The following WWOX variants were observed in gnomAD, a reference collection of about 807,000 sequenced individuals.
WWOX encodes the protein WW domain-containing oxidoreductase.
In WWOX, 69 loss-of-function variants were observed where a neutral mutation model predicts 46.2. The ratio of observed to expected loss-of-function variants is 1.49; its 90% CI spans 1.23 to 1.82. The LOEUF (loss-of-function observed/expected upper bound fraction) is 1.82. Ranked by LOEUF, WWOX falls within the 40% of genes most tolerant of loss-of-function variation. The pLI is 0.00. For synonymous variants in WWOX, 359 were observed against 202.6 expected, an observed-to-expected ratio of 1.77 and a Z score of -6.56; for missense variants, 919 against 542.6, an observed-to-expected ratio of 1.69 and a Z score of -6.89.
At chr16:78,868,899 C>T (rs1490526719) in intron 8 of WWOX, among the ~76,000 whole-genome samples, 3 of 152,248 alleles carry the variant, frequency 2.0e-5, no homozygotes, top group South Asian at 2.1e-4. Context: ...TAGAAATTTG[C>T]ACTTTTCCCC....
In WWOX at chr16:78,293,100, A is replaced by G. The variant is rs145840968; in HGVS notation, c.517-93760A>G. Among the ~76,000 whole-genome samples, 13 of 152,244 alleles carry G rather than the reference A, an allele frequency of 8.5e-5. No homozygotes were observed. In the East Asian group the frequency reaches 2.3e-3, roughly 27 times the overall value. The stretch of plus-strand genomic sequence containing the variant: ...TTTCTTTCGCCTCTCTACTTAGATC[A>G]TATTCTTCCTGGATTTTGGAATCAG... On this transcript the variant is annotated intron_variant, in intron 5 of 8. Coordinates refer to ENST00000566780, the MANE Select transcript of WWOX (RefSeq NM_016373.4).
intron 8 of WWOX, among the ~76,000 whole-genome samples, chr16:78,871,385 G>A (rs1309670727): frequency 6.6e-6 from 1 of 152,254 alleles, no homozygotes; most frequent in Non-Finnish European, 1.5e-5. Flanking sequence ...TTGTAATGAT[G>A]TTTGCAAAGC....
At chr16:78,291,638 C>T (rs2079859881) in intron 5 of WWOX, among the ~76,000 whole-genome samples, 1 of 152,108 alleles carries the variant, frequency 6.6e-6, no homozygotes, top group Non-Finnish European at 1.5e-5. Context: ...AGGTTTCAAT[C>T]TGTGGGCTAA....
chr16:78,498,140 G>A (rs1192452812), intron 8 of WWOX, among the ~76,000 whole-genome samples: 1 of 148,488 alleles, frequency 6.7e-6, no homozygotes, highest in Admixed American at 6.8e-5. Context: ...GGGAGGTGGA[G>A]CTTGCAGTGA....
intron 5 of WWOX, among the ~76,000 whole-genome samples, chr16:78,376,911 A>C (rs960732909): frequency 6.6e-6 from 1 of 152,192 alleles, no homozygotes; most frequent in Non-Finnish European, 1.5e-5. Context: ...TGGAATGTAA[A>C]ATCCTTTGAA....
intron 8 of WWOX, among the ~76,000 whole-genome samples, chr16:78,908,071 A>T (rs923083099): frequency 6.6e-6 from 1 of 152,166 alleles, no homozygotes; most frequent in African/African-American, 2.4e-5. Context: ...ATAGTTCCCA[A>T]ATTGCAGGAT....
At chr16:78,260,481 A>G (rs2038250602) in intron 5 of WWOX, among the ~76,000 whole-genome samples, 1 of 151,398 alleles carries the variant, frequency 6.6e-6, no homozygotes, top group African/African-American at 2.4e-5. Flanking sequence ...CCTGGCCAAC[A>G]TGGTAAAACC....
At chr16:78,524,629 C>T (rs2043419945) in intron 8 of WWOX, among the ~76,000 whole-genome samples, 1 of 151,804 alleles carries the variant, frequency 6.6e-6, no homozygotes, top group African/African-American at 2.4e-5. Context: ...CCATGTTGGC[C>T]AAACTGGTCT....
intron 8 of WWOX, chr16:79,089,969 A>G (rs977823846): frequency 1.3e-5 from 2 of 150,476 alleles, no homozygotes; most frequent in Admixed American, 1.3e-4. Flanking sequence ...TGGAAAAAAA[A>G]AAAAGGGGGG....
At chr16:78,902,448 C>T (rs140022868) in intron 8 of WWOX, among the ~76,000 whole-genome samples, 2 of 152,226 alleles carry the variant, frequency 1.3e-5, no homozygotes, top group Admixed American at 6.5e-5. Flanking sequence ...GCGGGAGAGG[C>T]AAGGCTAAGA....
At chr16:78,642,820 C>G (rs2046752449) in intron 8 of WWOX, among the ~76,000 whole-genome samples, 1 of 152,186 alleles carries the variant, frequency 6.6e-6, no homozygotes, top group Non-Finnish European at 1.5e-5. Context: ...TCTTTTCTAA[C>G]TGTCCAGCTC....
At position 78,408,662 on chromosome 16, in the gene WWOX, C is replaced by G. The variant is rs535573658; in HGVS notation, c.606-16208C>G. ...TGTGTCATTCCGTTGTGCCTGTCGT[C>G]TTGACCTTGTAAAAGGTCTTGGGTA... On this transcript the variant is annotated intron_variant, in intron 6 of 8. Coordinates refer to ENST00000566780, the MANE Select transcript of WWOX (RefSeq NM_016373.4). Among the ~76,000 whole-genome samples, 9 of 152,196 alleles carry G rather than the reference C, an allele frequency of 5.9e-5. No individual in the cohort carries two copies. The South Asian group carries it at 6.2e-4, about 10-fold the overall frequency.
intron 6 of WWOX, among the ~76,000 whole-genome samples, chr16:78,404,930 C>G (rs1326849565): frequency 6.6e-6 from 1 of 152,148 alleles, no homozygotes; most frequent in East Asian, 1.9e-4. Flanking sequence ...GATATCATGC[C>G]CATTGCACTA....
chr16:78,353,171 A>G (rs929408239), intron 5 of WWOX, among the ~76,000 whole-genome samples: 4 of 152,176 alleles, frequency 2.6e-5, no homozygotes, highest in African/African-American at 9.7e-5. Context: ...CCTTTTCATC[A>G]TAACACCTAT....
At chr16:78,706,027 C>A (rs991670163) in intron 8 of WWOX, among the ~76,000 whole-genome samples, 1 of 142,124 alleles carries the variant, frequency 7.0e-6, no homozygotes, top group Non-Finnish European at 1.5e-5. Flanking sequence ...TCTAATGACA[C>A]ATACTTTGTC....
chr16:78,586,558 C>G (rs1459782586), intron 8 of WWOX, among the ~76,000 whole-genome samples: 3 of 152,214 alleles, frequency 2.0e-5, no homozygotes, highest in Non-Finnish European at 4.4e-5. Flanking sequence ...CGCTTGTTAT[C>G]TCCATTTTAG....
At chr16:78,715,208 A>G (rs1047832337) in intron 8 of WWOX, among the ~76,000 whole-genome samples, 1 of 152,206 alleles carries the variant, frequency 6.6e-6, no homozygotes, top group Non-Finnish European at 1.5e-5. Flanking sequence ...GTTCAGTTGC[A>G]AGTTAAAGAA....
rs1019063045 is a variant in WWOX at position 78,870,965 on chromosome 16, G to C, written c.1057-340643G>C. Among the ~76,000 whole-genome samples, 67 of 152,142 alleles carry C rather than the reference G, an allele frequency of 4.4e-4. 1 individual carries two copies. Among genetic ancestry groups the C allele is most frequent in the Non-Finnish European group, 1.6e-4 (11 of 68,024 alleles). The stretch of plus-strand genomic sequence containing the variant: ...TGATTCTGGTTTACCACAACCACCA[G>C]AGTCTTAAGTGTCCCAATAGCCAGG... On this transcript the variant is annotated intron_variant, in intron 8 of 8. Coordinates refer to ENST00000566780, the MANE Select transcript of WWOX (RefSeq NM_016373.4).
intron 8 of WWOX, among the ~76,000 whole-genome samples, chr16:78,979,189 G>A (rs764625309): frequency 9.3e-5 from 14 of 150,028 alleles, no homozygotes; most frequent in Admixed American, 2.7e-4. Flanking sequence ...GGCTTCCCCC[G>A]TTACAAAAAG....
Sources: allele counts gnomAD v4.1 joint callset (sites outside exome capture counted in the v4.1 genomes callset), GRCh38; gene constraint gnomAD v4.1.1; transcripts MANE v1.5; gene names NCBI Gene and HGNC (gene_info 2026-07-23, HGNC 2026-07-21).